The following SLC25A42 variants were observed in gnomAD, a reference collection of about 807,000 sequenced individuals.
SLC25A42 encodes the protein solute carrier family 25 member 42, also known as mitochondrial coenzyme A transporter SLC25A42.
SLC25A42 carries 19 observed loss-of-function variants against 34.7 expected under a neutral mutation model. That is an observed-to-expected ratio of 0.55 (90% CI 0.38 to 0.80). The LOEUF (loss-of-function observed/expected upper bound fraction) is 0.80. Ranked by LOEUF, SLC25A42 falls within the 30% of genes least tolerant of loss-of-function variation. The pLI, the probability that SLC25A42 is intolerant of heterozygous loss-of-function variation, is 0.00. For synonymous variants in SLC25A42, 205 were observed against 191.2 expected (o/e 1.07, Z -0.59); for missense variants, 364 against 441.3 (o/e 0.82, Z 1.57).
intron 1 of SLC25A42, among the ~76,000 whole-genome samples, chr19:19,086,155 T>C (rs1040720743): frequency 6.6e-6 from 1 of 152,162 alleles, no homozygotes; most frequent in Admixed American, 6.5e-5. Flanking sequence ...TTTTAGCACT[T>C]TATGAGAGAG....
intron 1 of SLC25A42, among the ~76,000 whole-genome samples, chr19:19,082,927 C>T (rs1380390980): frequency 6.6e-6 from 1 of 151,878 alleles, no homozygotes; most frequent in Non-Finnish European, 1.5e-5. Context: ...AAGTGATTCT[C>T]CTGCCTCAGC....
At chr19:19,074,489 C>T (rs1484618652) in intron 1 of SLC25A42, among the ~76,000 whole-genome samples, 2 of 152,200 alleles carry the variant, frequency 1.3e-5, no homozygotes, top group Non-Finnish European at 2.9e-5. Flanking sequence ...AAACTCCATC[C>T]ACAGAGAAAC....
At chr19:19,090,167 C>T (rs2059730721) in intron 1 of SLC25A42, among the ~76,000 whole-genome samples, 2 of 152,128 alleles carry the variant, frequency 1.3e-5, no homozygotes, top group South Asian at 2.1e-4. Context: ...GCAAAACCAG[C>T]GTGTCTGTCC....
chr19:19,072,023 G>A (rs555512935), intron 1 of SLC25A42, among the ~76,000 whole-genome samples: 9 of 152,218 alleles, frequency 5.9e-5, no homozygotes, highest in Non-Finnish European at 1.2e-4. Context: ...GGGTCTTCAG[G>A]TGGTGAGATT....
At chr19:19,086,797 C>T (rs1443851710) in intron 1 of SLC25A42, among the ~76,000 whole-genome samples, 7 of 151,996 alleles carry the variant, frequency 4.6e-5, no homozygotes, top group Admixed American at 3.9e-4. Flanking sequence ...CATGCCACCA[C>T]ACCTGGCTAA....
chr19:19,105,902 ACT>A (rs2059824647), intron 5 of SLC25A42, 175 bp downstream of exon 5: 1 of 604,870 alleles, frequency 1.7e-6, no homozygotes, highest in East Asian at 2.9e-5. Flanking sequence ...GGACCCCCTG[ACT>A]CTGTCACATG....
At chr19:19,090,462 G>C (rs2059732351) in intron 1 of SLC25A42, among the ~76,000 whole-genome samples, 1 of 152,178 alleles carries the variant, frequency 6.6e-6, no homozygotes, top group African/African-American at 2.4e-5. Flanking sequence ...CCCCAAAACA[G>C]GTAAACCTGC....
rs188052793 is a variant in SLC25A42 at position 19,084,413 on chromosome 19, G to A, written c.-34-11678G>A. Among the ~76,000 whole-genome samples, 675 of 152,304 alleles carry A rather than the reference G, an allele frequency of 4.4e-3. 5 individuals carry two copies. Among genetic ancestry groups the A allele is most frequent in the African/African-American group, 0.015 (639 of 41,574 alleles). ...CCAAACCCGCTTCTTTGTCTATGGCGGTGGATGTATAGCATCACATCCCCA... is the reference window on the plus strand; with the variant it reads ...CCAAACCCGCTTCTTTGTCTATGGCAGTGGATGTATAGCATCACATCCCCA... On this transcript the variant is annotated intron_variant, in intron 1 of 7. Transcript: ENST00000318596.
chr19:19,110,930 G>A lies in SLC25A42; in HGVS notation c.*54G>A, dbSNP rs2059861274. On this transcript the variant is annotated 3_prime_UTR_variant, in exon 8 of 8. Transcript: ENST00000318596. ...GACCGGTGACCCCTTTGTATTCTGG[G>A]CCCATGGAACGGTGGGGGGGTGCGC... 1.3e-6 allele frequency: 2 copies of A among 1,595,606 alleles called. No homozygotes were observed. Among genetic ancestry groups the A allele is most frequent in the Non-Finnish European group, 1.7e-6 (2 of 1,167,592 alleles).
At chr19:19,095,754 A>C (rs1484465062) in intron 1 of SLC25A42, among the ~76,000 whole-genome samples, 1 of 152,206 alleles carries the variant, frequency 6.6e-6, no homozygotes, top group Non-Finnish European at 1.5e-5. Context: ...TTGGCCTGAC[A>C]GTGGTGTTGG....
At position 19,096,591 on chromosome 19, in the gene SLC25A42, T is replaced by C. The variant is rs10406091; in HGVS notation, c.81+386T>C. On this transcript the variant is annotated intron_variant, in intron 2 of 7. Transcript: ENST00000318596. Reference sequence around the variant, plus strand: ...CCAGCGTGGGGTGGGAAGCCTGAGGTATCAGACATGTCTTGGAGCCCCCTT... The same window carrying C: ...CCAGCGTGGGGTGGGAAGCCTGAGGCATCAGACATGTCTTGGAGCCCCCTT... Among the ~76,000 whole-genome samples, 646 of 151,992 alleles carry C rather than the reference T, an allele frequency of 4.3e-3. 7 individuals carry two copies. Among genetic ancestry groups the C allele is most frequent in the African/African-American group, 0.015 (624 of 41,442 alleles).
At chr19:19,079,376 A>T (rs2059670279) in intron 1 of SLC25A42, among the ~76,000 whole-genome samples, 1 of 151,120 alleles carries the variant, frequency 6.6e-6, no homozygotes, top group Non-Finnish European at 1.5e-5. Flanking sequence ...CATTTTCATC[A>T]CCCCCAAAAG....
chr19:19,077,108 G>A (rs757862827), intron 1 of SLC25A42, among the ~76,000 whole-genome samples: 7 of 152,044 alleles, frequency 4.6e-5, no homozygotes, highest in Admixed American at 3.3e-4. Flanking sequence ...CATTTGAGCC[G>A]GGGAGTCGGA....
chr19:19,105,628 C>T lies in SLC25A42; in HGVS notation c.281C>T (p.Ser94Leu). ...EGFLSLWRGN[S>L]ATMVRVVPYA... Reference sequence around the variant, plus strand: ...TTTCTCAGCTTGTGGCGCGGGAACTCGGCCACCATGGTGCGCGTGGTGCCC... The same window carrying T: ...TTTCTCAGCTTGTGGCGCGGGAACTTGGCCACCATGGTGCGCGTGGTGCCC... The change falls in exon 5 of 8, where the codon TCG (serine) becomes TTG (leucine). Residue 94 changes from serine to leucine, a missense_variant. Physicochemically the swap from Ser to Leu is moderately radical, Grantham distance 145. Transcript: ENST00000318596. 1.9e-6 allele frequency: 3 copies of T among 1,613,902 alleles called. No homozygotes were observed. Among genetic ancestry groups the T allele is most frequent in the Non-Finnish European group, 2.5e-6 (3 of 1,179,946 alleles).
intron 1 of SLC25A42, among the ~76,000 whole-genome samples, chr19:19,075,569 C>T (rs2059651788): frequency 6.6e-6 from 1 of 152,202 alleles, no homozygotes; most frequent in Non-Finnish European, 1.5e-5. Context: ...CTCGGAGCCA[C>T]AGGACACTGT....
chr19:19,103,323 A>T (rs2059808285), intron 3 of SLC25A42, among the ~76,000 whole-genome samples: 1 of 152,020 alleles, frequency 6.6e-6, no homozygotes, highest in Non-Finnish European at 1.5e-5. Flanking sequence ...TTGAATTCCT[A>T]GCCTCAAGTG....
chr19:19,092,337 G>A (rs981618843), intron 1 of SLC25A42, among the ~76,000 whole-genome samples: 1 of 152,182 alleles, frequency 6.6e-6, no homozygotes, highest in Non-Finnish European at 1.5e-5. Context: ...AGCCCCAGCT[G>A]CCCTCAGTGC....
At chr19:19,071,125 G>T (rs1298532783) in intron 1 of SLC25A42, among the ~76,000 whole-genome samples, 2 of 150,924 alleles carry the variant, frequency 1.3e-5, no homozygotes, top group Non-Finnish European at 2.9e-5. Flanking sequence ...TCCTGCCTCA[G>T]CCTCCCAAGT....
rs1487416025 is a variant in SLC25A42, at chr19:19,105,742, C to T, written c.380+15C>T. On this transcript the variant is annotated intron_variant, in intron 5 of 7. Coordinates refer to ENST00000318596, the MANE Select transcript of SLC25A42 (RefSeq NM_178526.5). ...TTCCGTGGAGAGTGAGGCCCCGCCC[C>T]GCCCTGCCACAGAATCGCCCCGCCC... 3 of 1,526,714 alleles carry T rather than the reference C, an allele frequency of 2.0e-6. No individual in the cohort carries two copies. Among genetic ancestry groups the T allele is most frequent in the Non-Finnish European group, 2.7e-6 (3 of 1,130,280 alleles). The allele number at this position is 1,526,714 out of a possible 1,614,324, so 94.6% of individuals were successfully genotyped here. A position where few individuals can be genotyped will look rare whatever the true frequency, so the allele number is the denominator to read the frequency against.
Sources: allele counts gnomAD v4.1 joint callset (sites outside exome capture counted in the v4.1 genomes callset), GRCh38; gene constraint gnomAD v4.1.1; transcripts MANE v1.5; gene names NCBI Gene and HGNC (gene_info 2026-07-23, HGNC 2026-07-21).